Variants in MED13L observed in about 807,000 individuals in gnomAD.
MED13L encodes the protein mediator complex subunit 13L.
Under a neutral mutation model 220.9 loss-of-function variants are expected in MED13L, and 7 were observed. The ratio of observed to expected loss-of-function variants is 0.03; its 90% confidence interval spans 0.02 to 0.06. The LOEUF is 0.06. Ranked by LOEUF, MED13L falls within the 10% of genes least tolerant of loss-of-function variation. The pLI is 1.00. For synonymous variants in MED13L, 1,011 were observed against 1,015.2 expected, an observed-to-expected ratio of 1.00 and a Z score of 0.08; for missense variants, 1,965 against 2,760.5, an observed-to-expected ratio of 0.71 and a Z score of 6.46.
chr12:116,144,873 C>T (rs912700656), intron 2 of MED13L, among the ~76,000 whole-genome samples: 2 of 152,186 alleles, frequency 1.3e-5, no homozygotes, highest in Non-Finnish European at 2.9e-5. Context: ...AAAATTTATG[C>T]TACAACACCG....
chr12:116,109,810 A>C (rs979229929), intron 3 of MED13L, among the ~76,000 whole-genome samples: 1 of 152,224 alleles, frequency 6.6e-6, no homozygotes, highest in East Asian at 1.9e-4. Context: ...AGTACACCTT[A>C]GTAACAGATG....
At chr12:115,989,033 C>T (rs995580402) in intron 17 of MED13L, among the ~76,000 whole-genome samples, 3 of 152,196 alleles carry the variant, frequency 2.0e-5, no homozygotes, top group South Asian at 4.1e-4. Flanking sequence ...GTCATCTCTA[C>T]CTCCATGAAA....
At chr12:116,276,598 G>A in intron 1 of MED13L, 1 of 1,208,330 alleles carries the variant, frequency 8.3e-7, no homozygotes, top group Non-Finnish European at 1.1e-6. Context: ...TGTCATTATG[G>A]AATTTAAAAA....
At chr12:116,237,948 A>C (rs1259854621) in intron 1 of MED13L, among the ~76,000 whole-genome samples, 1 of 152,204 alleles carries the variant, frequency 6.6e-6, no homozygotes, top group Non-Finnish European at 1.5e-5. Flanking sequence ...GCTGATAATC[A>C]TTATTTCCTG....
chr12:115,968,062 C>CT (rs964616100), intron 28 of MED13L, among the ~76,000 whole-genome samples: 1 of 134,122 alleles, frequency 7.5e-6, no homozygotes, highest in Non-Finnish European at 1.6e-5. Flanking sequence ...GTCCCCCCCC[C>CT]CCCCCGATGA....
At chr12:116,253,368 C>G (rs920225806) in intron 1 of MED13L, among the ~76,000 whole-genome samples, 1 of 151,638 alleles carries the variant, frequency 6.6e-6, no homozygotes, top group East Asian at 1.9e-4. Flanking sequence ...TGAATTCTAT[C>G]GAACATCTAA....
intron 2 of MED13L, among the ~76,000 whole-genome samples, chr12:116,127,930 C>A (rs1418731669): frequency 6.6e-6 from 1 of 152,220 alleles, no homozygotes; most frequent in East Asian, 1.9e-4. Flanking sequence ...CCTCTTCCAA[C>A]ACCCTCTGTG....
At chr12:116,037,196 T>C (rs59619030) in intron 4 of MED13L, among the ~76,000 whole-genome samples, 23,196 of 152,106 alleles carry the variant, frequency 0.15, 1,965 homozygotes, top group Middle Eastern at 0.23. Flanking sequence ...TAAACACATA[T>C]TGAGCATCCC....
At chr12:116,085,910 T>G (rs1363519179) in intron 4 of MED13L, among the ~76,000 whole-genome samples, 1 of 152,128 alleles carries the variant, frequency 6.6e-6, no homozygotes, top group Non-Finnish European at 1.5e-5. Flanking sequence ...TAACTTGAAT[T>G]GCCAGGGAAG....
chr12:116,107,761 C>G (rs902745417), intron 3 of MED13L, among the ~76,000 whole-genome samples: 1 of 152,198 alleles, frequency 6.6e-6, no homozygotes, highest in Non-Finnish European at 1.5e-5. Context: ...GACACAAACA[C>G]TCTCCAAGTG....
At chr12:116,170,656 A>G (rs994414185) in intron 2 of MED13L, among the ~76,000 whole-genome samples, 1 of 146,920 alleles carries the variant, frequency 6.8e-6, no homozygotes, top group African/African-American at 2.5e-5. Context: ...GCTAGGGTAC[A>G]GTGGTGCGAT....
intron 4 of MED13L, among the ~76,000 whole-genome samples, chr12:116,084,278 T>C (rs769493725): frequency 2.0e-5 from 3 of 152,184 alleles, no homozygotes; most frequent in Non-Finnish European, 4.4e-5. Flanking sequence ...AAAACATGCT[T>C]GAAATGATCA....
chr12:116,125,129 A>T (rs1777983058), intron 2 of MED13L, among the ~76,000 whole-genome samples: 1 of 152,220 alleles, frequency 6.6e-6, no homozygotes, highest in East Asian at 1.9e-4. Flanking sequence ...AATAAAAAAA[A>T]GTTAAGTCTG....
intron 2 of MED13L, among the ~76,000 whole-genome samples, chr12:116,165,857 C>T (rs948894465): frequency 6.6e-6 from 1 of 152,142 alleles, no homozygotes; most frequent in African/African-American, 2.4e-5. Flanking sequence ...CTAGTCTAGC[C>T]CTATCTGCCC....
chr12:116,254,059 A>G (rs1871823558), intron 1 of MED13L, among the ~76,000 whole-genome samples: 1 of 151,862 alleles, frequency 6.6e-6, no homozygotes, highest in African/African-American at 2.4e-5. Context: ...AGCCACTTTC[A>G]CGGTATTTTA....
intron 2 of MED13L, among the ~76,000 whole-genome samples, chr12:116,113,061 A>G (rs1225170448): frequency 6.6e-6 from 1 of 152,212 alleles, no homozygotes; most frequent in Non-Finnish European, 1.5e-5. Flanking sequence ...TAGTCATCAC[A>G]TTCCATTATT....
At chr12:115,986,207 A>T in intron 19 of MED13L, 59 bp downstream of exon 19, 1 of 1,471,506 alleles carries the variant, frequency 6.8e-7, no homozygotes, top group South Asian at 1.1e-5. Flanking sequence ...TTTAGTCATC[A>T]CTATAAACAA....
intron 2 of MED13L, among the ~76,000 whole-genome samples, chr12:116,228,318 T>C (rs1869208480): frequency 6.6e-6 from 1 of 152,218 alleles, no homozygotes; most frequent in Non-Finnish European, 1.5e-5. Flanking sequence ...CAACAGGTTT[T>C]ATTTTTTTCT....
chr12:116,089,060 A>T (rs957886264), intron 4 of MED13L, among the ~76,000 whole-genome samples: 4 of 152,200 alleles, frequency 2.6e-5, no homozygotes, highest in African/African-American at 9.7e-5. Context: ...TGAATAAACA[A>T]ATACAAAATG....
Sources: allele counts gnomAD v4.1 joint callset (sites outside exome capture counted in the v4.1 genomes callset), GRCh38; gene constraint gnomAD v4.1.1; transcripts MANE v1.5; gene names NCBI Gene and HGNC (gene_info 2026-07-23, HGNC 2026-07-21).